TM9SF2: variants seen among roughly 807,000 people sequenced by gnomAD.
The protein encoded by TM9SF2 is 76 kDa membrane protein.
TM9SF2 carries 13 observed loss-of-function variants against 84.9 expected under a neutral mutation model. That is an observed-to-expected ratio of 0.15 (90% confidence interval 0.10 to 0.24). TM9SF2 has a LOEUF of 0.24. Ranked by LOEUF, TM9SF2 falls within the 10% of genes least tolerant of loss-of-function variation. The pLI is 1.00. For missense variants in TM9SF2, 562 were observed against 818.5 expected (o/e 0.69, Z 3.82); for synonymous variants, 273 against 285.8 (o/e 0.96, Z 0.45).
Position 99,529,454 on chromosome 13 carries a change from C to G in TM9SF2, c.334-13C>G, listed in dbSNP as rs766261742. Reference sequence around the variant, plus strand: ...TTTTTTCTGAATTTGCTTTCCACTTCCTTTTAATACAGTTTACGTTTAATA... The same window carrying G: ...TTTTTTCTGAATTTGCTTTCCACTTGCTTTTAATACAGTTTACGTTTAATA... On this transcript the variant is annotated splice_polypyrimidine_tract_variant and intron_variant, in intron 3 of 16. Coordinates refer to ENST00000376387, the MANE Select transcript of TM9SF2 (RefSeq NM_004800.3). 6.7e-7 allele frequency: 1 copy of G among 1,493,372 alleles called. No individual in the cohort carries two copies. The highest frequency in any genetic ancestry group is 2.5e-5 in the East Asian group (1 of 39,548). The allele number at this position is 1,493,372 out of a possible 1,614,324, so 92.5% of individuals were successfully genotyped here.
intron 1 of TM9SF2, among the ~76,000 whole-genome samples, chr13:99,512,429 G>C (rs1160176976): frequency 6.6e-6 from 1 of 152,148 alleles, no homozygotes; most frequent in Non-Finnish European, 1.5e-5. Flanking sequence ...TGCTTCATCA[G>C]ATCAGGAAGG....
chr13:99,525,079 C>A lies in TM9SF2; in HGVS notation c.334-4388C>A, dbSNP rs561349005. 5.9e-5 allele frequency among the ~76,000 whole-genome samples: 9 copies of A among 152,150 alleles called. No individual in the cohort carries two copies. In the East Asian group the frequency reaches 1.7e-3, roughly 30 times the overall value. On this transcript the variant is annotated intron_variant, in intron 3 of 16. Coordinates refer to ENST00000376387, the MANE Select transcript of TM9SF2 (RefSeq NM_004800.3). The stretch of plus-strand genomic sequence containing the variant: ...TGGGTTTAGCCTTCAATGTTGAGGT[C>A]ATTGATGTGAAAGCAGCCGTGATAG...
chr13:99,517,309 A>G (rs746833975), intron 1 of TM9SF2, among the ~76,000 whole-genome samples: 17 of 152,104 alleles, frequency 1.1e-4, no homozygotes, highest in Non-Finnish European at 1.9e-4. Context: ...AAATTTTTGT[A>G]GGAACGGGGT....
At chr13:99,517,543 T>C in intron 1 of TM9SF2, 71 bp from the exon 2 acceptor site, 1 of 1,018,652 alleles carries the variant, frequency 9.8e-7, no homozygotes, top group Non-Finnish European at 1.4e-6. Context: ...AATTCTTTTT[T>C]AATTCTAAGC....
In TM9SF2 at chr13:99,501,559, C is replaced by T. The variant is rs774235251; in HGVS notation, c.-48C>T. The T allele has an allele frequency of 1.3e-6, 2 of 1,582,120 alleles. No homozygotes were observed. Among genetic ancestry groups the T allele is most frequent in the East Asian group, 2.3e-5 (1 of 43,464 alleles). On this transcript the variant is annotated 5_prime_UTR_variant, in exon 1 of 17. Coordinates refer to ENST00000376387, the MANE Select transcript of TM9SF2 (RefSeq NM_004800.3). ...TCTCCGAGACTCCCCACCCCTCCTT[C>T]CCTCTTGACCCCCTAGGTTTGATTG...
intron 13 of TM9SF2, among the ~76,000 whole-genome samples, chr13:99,552,861 C>G (rs760423961): frequency 1.3e-5 from 2 of 152,148 alleles, no homozygotes; most frequent in African/African-American, 2.4e-5. Flanking sequence ...GCCTGGGCCT[C>G]CCAAAGTGCA....
chr13:99,519,798 T>C (rs548888059), intron 2 of TM9SF2, among the ~76,000 whole-genome samples: 6 of 152,368 alleles, frequency 3.9e-5, no homozygotes, highest in South Asian at 2.1e-4. Context: ...GATATTGTAA[T>C]ATGCATTCTA....
At chr13:99,560,766 C>G (rs1255439586) in intron 16 of TM9SF2, among the ~76,000 whole-genome samples, 1 of 152,196 alleles carries the variant, frequency 6.6e-6, no homozygotes, top group Non-Finnish European at 1.5e-5. Context: ...ACTGCAAACT[C>G]TGCCTCCCAG....
chr13:99,536,780 T>G, intron 5 of TM9SF2, 43 bp downstream of exon 5: 1 of 1,605,314 alleles, frequency 6.2e-7, no homozygotes, highest in South Asian at 1.1e-5. Flanking sequence ...AAAACATGGC[T>G]TTTGATAGAA....
chr13:99,536,082 T>G (rs2046232751), intron 4 of TM9SF2, among the ~76,000 whole-genome samples: 1 of 152,138 alleles, frequency 6.6e-6, no homozygotes, highest in Non-Finnish European at 1.5e-5. Context: ...ACCTGAGTAA[T>G]AAGAGGCATT....
intron 3 of TM9SF2, among the ~76,000 whole-genome samples, chr13:99,523,986 G>T (rs2046171278): frequency 6.6e-6 from 1 of 152,132 alleles, no homozygotes; most frequent in Non-Finnish European, 1.5e-5. Flanking sequence ...TGTGGGGGAG[G>T]TGTTCTAGCT....
rs1224391852 is a variant in TM9SF2, at chr13:99,537,759, T to C, written c.612T>C (p.Asp204=). The change falls in exon 6 of 17, where the codon GAT becomes GAC. Residue 204 remains aspartate, a synonymous_variant. Transcript: ENST00000376387. The stretch of plus-strand genomic sequence containing the variant: ...TGCAGTCAGATTTCCATGAAAGAGA[T>C]ACATTTTACATCTTCAACCATGTTG... ...CVISSDFHER[D]TFYIFNHVDI... is the part of the protein sequence containing the mutation. The C allele has an allele frequency of 4.4e-6, 7 of 1,607,648 alleles. No individual in the cohort carries two copies. Among genetic ancestry groups the C allele is most frequent in the Non-Finnish European group, 5.9e-6 (7 of 1,178,708 alleles).
intron 4 of TM9SF2, among the ~76,000 whole-genome samples, chr13:99,535,632 C>T (rs1455087698): frequency 1.3e-5 from 2 of 151,938 alleles, no homozygotes; most frequent in Non-Finnish European, 2.9e-5. Flanking sequence ...TTAAAGGTGA[C>T]GAGACATGTT....
At position 99,549,051 on chromosome 13, in the gene TM9SF2, G is replaced by C. The variant is rs557154603; in HGVS notation, c.1271-114G>C. ...TTATATTTGCTAGTACCATTTTCTAGGAATGAGTACTCATTGCTGTCTGAC... is the reference window on the plus strand; with the variant it reads ...TTATATTTGCTAGTACCATTTTCTACGAATGAGTACTCATTGCTGTCTGAC... On this transcript the variant is annotated intron_variant, in intron 11 of 16. Transcript: ENST00000376387. 3 of 761,646 alleles carry C rather than the reference G, an allele frequency of 3.9e-6. No homozygotes were observed. In the South Asian group the frequency reaches 5.2e-5, roughly 13 times the overall value. 47.2% of individuals were successfully genotyped at this position (761,646 alleles called of 1,614,324 possible).
rs2046191928 is a variant in TM9SF2 at position 99,528,090 on chromosome 13, A to G, written c.334-1377A>G. On this transcript the variant is annotated intron_variant, in intron 3 of 16. Coordinates refer to ENST00000376387, the MANE Select transcript of TM9SF2 (RefSeq NM_004800.3). ...AACAGTGCTGTGCTTGCGTGTTATAAGGAGGATTTGTTTCCCTTGGGAGCT... is the reference window on the plus strand; with the variant it reads ...AACAGTGCTGTGCTTGCGTGTTATAGGGAGGATTTGTTTCCCTTGGGAGCT... Among the ~76,000 whole-genome samples the G allele has an allele frequency of 1.3e-5, 2 of 152,252 alleles. 1 individual carries two copies.
intron 12 of TM9SF2, 86 bp downstream of exon 12, chr13:99,549,308 T>C (rs1594059907): frequency 9.7e-7 from 1 of 1,030,834 alleles, no homozygotes; most frequent in East Asian, 2.4e-5. Flanking sequence ...TAATCCTCCG[T>C]GTCTCTAAAT....
chr13:99,548,995 G>C (rs141617042), intron 11 of TM9SF2, among the ~76,000 whole-genome samples, 170 bp from the exon 12 acceptor site: 1 of 152,280 alleles, frequency 6.6e-6, no homozygotes, highest in Non-Finnish European at 1.5e-5. Context: ...GTATGTCTCA[G>C]ATTTGGATTA....
chr13:99,533,107 T>G (rs548844221), intron 4 of TM9SF2, among the ~76,000 whole-genome samples: 1 of 152,346 alleles, frequency 6.6e-6, no homozygotes, highest in African/African-American at 2.4e-5. Flanking sequence ...TAAAATACCA[T>G]GTACCCATGG....
Position 99,515,664 on chromosome 13 carries a change from G to C in TM9SF2, c.172-1950G>C, listed in dbSNP as rs145227835. 2.2e-4 allele frequency among the ~76,000 whole-genome samples: 34 copies of C among 151,496 alleles called. No individual in the cohort carries two copies. In the East Asian group the frequency reaches 6.4e-3, roughly 28 times the overall value. On this transcript the variant is annotated intron_variant, in intron 1 of 16. Transcript: ENST00000376387. ...TTAACAAATGCATAGCATTTCATGT[G>C]TCAGGCACTATTTGGAGTACTTTGT...
Sources: gnomAD v4.1 joint callset for allele counts (sites outside exome capture counted in the v4.1 genomes callset) on GRCh38, gnomAD v4.1.1 for gene constraint, MANE v1.5 for transcripts, NCBI Gene and HGNC (gene_info 2026-07-23, HGNC 2026-07-21) for gene names.